The following CCND3 variants were observed in gnomAD, a reference collection of about 807,000 sequenced individuals.
CCND3 encodes G1/S-specific cyclin-D3.
Under a neutral mutation model 28.7 loss-of-function variants are expected in CCND3, and 9 were observed. The ratio of observed to expected loss-of-function variants is 0.31; its 90% CI spans 0.19 to 0.55. CCND3 has a LOEUF of 0.55. Ranked by LOEUF, CCND3 falls within the 20% of genes least tolerant of loss-of-function variation. The pLI, the probability that CCND3 is intolerant of heterozygous loss-of-function variation, is 0.93. For synonymous variants in CCND3, 164 were observed against 163.9 expected (o/e 1.00, Z 0.00); for missense variants, 315 against 385.8 (o/e 0.82, Z 1.54).
At chr6:41,954,726 A>T (rs1776399362) in intron 1 of CCND3, among the ~76,000 whole-genome samples, 3 of 151,890 alleles carry the variant, frequency 2.0e-5, no homozygotes, top group Non-Finnish European at 4.4e-5. Flanking sequence ...ATAATATCAA[A>T]CTTCTGAATT....
chr6:42,030,493 G>A (rs1304781774), intron 1 of CCND3, among the ~76,000 whole-genome samples: 2 of 152,112 alleles, frequency 1.3e-5, no homozygotes, highest in South Asian at 2.1e-4. Flanking sequence ...GGTACCTGCT[G>A]TCTGTCTCCC....
Position 41,935,185 on chromosome 6 carries a change from A to G in CCND3, c.*755T>C. 1 of 233,436 alleles carries G rather than the reference A, an allele frequency of 4.3e-6. No individual in the cohort carries two copies. The highest frequency in any genetic ancestry group is 8.5e-6 in the Non-Finnish European group (1 of 118,076). The allele number at this position is 233,436 out of a possible 1,614,324, so 14.5% of individuals were successfully genotyped here. On this transcript the variant is annotated 3_prime_UTR_variant, in exon 5 of 5. Coordinates refer to ENST00000372991, the MANE Select transcript of CCND3 (RefSeq NM_001760.5). ...AGGCTATAGCAGCTCCTTGGCCACAAAGATCCTTTTGCCAGTAGCAGAAGG... is the reference window on the plus strand; with the variant it reads ...AGGCTATAGCAGCTCCTTGGCCACAGAGATCCTTTTGCCAGTAGCAGAAGG...
intron 1 of CCND3, among the ~76,000 whole-genome samples, chr6:42,025,511 CAGA>C (rs1166788432): frequency 2.6e-5 from 4 of 152,174 alleles, no homozygotes; most frequent in African/African-American, 7.2e-5. Flanking sequence ...CCTCAGCTCA[CAGA>C]AGAAGTCACA....
chr6:41,951,591 G>A (rs1776319920), intron 1 of CCND3, among the ~76,000 whole-genome samples: 1 of 136,790 alleles, frequency 7.3e-6, no homozygotes. Context: ...AAAAGATTAA[G>A]TGGGAGTAAG....
chr6:42,006,252 G>A (rs949532843), intron 1 of CCND3, among the ~76,000 whole-genome samples: 1 of 151,616 alleles, frequency 6.6e-6, no homozygotes, highest in Non-Finnish European at 1.5e-5. Flanking sequence ...CTCAATAGAT[G>A]TAGAAAAAGC....
chr6:42,035,346 C>A (rs10948007), intron 1 of CCND3, among the ~76,000 whole-genome samples: 1 of 152,124 alleles, frequency 6.6e-6, no homozygotes, highest in African/African-American at 2.4e-5. Flanking sequence ...TTTCTACTGG[C>A]GTCACCCTAG....
intron 1 of CCND3, among the ~76,000 whole-genome samples, chr6:42,027,439 CAAAAAAA>C (rs5875782): frequency 1.6e-4 from 21 of 132,230 alleles, no homozygotes; most frequent in South Asian, 4.6e-4. Flanking sequence ...GGCTCCATCT[CAAAAAAA>C]AAAAAAAAAA....
chr6:41,951,367 A>G (rs149810322), intron 1 of CCND3, among the ~76,000 whole-genome samples: 2 of 151,672 alleles, frequency 1.3e-5, no homozygotes, highest in Non-Finnish European at 2.9e-5. Context: ...AACCTGGCCA[A>G]TATGGTGAAA....
intron 1 of CCND3, among the ~76,000 whole-genome samples, chr6:41,997,140 C>CTAA (rs1403782002): frequency 1.3e-5 from 2 of 152,212 alleles, no homozygotes; most frequent in Non-Finnish European, 2.9e-5. Context: ...GGCTGATGAT[C>CTAA]TAATACTCTC....
At chr6:41,983,728 T>C (rs1277537795) in intron 1 of CCND3, among the ~76,000 whole-genome samples, 1 of 152,014 alleles carries the variant, frequency 6.6e-6, no homozygotes, top group Non-Finnish European at 1.5e-5. Context: ...TGGTCCCAGC[T>C]AGGAAGCTGC....
At chr6:41,988,196 C>G (rs141481147) in intron 1 of CCND3, among the ~76,000 whole-genome samples, 45 of 152,018 alleles carry the variant, frequency 3.0e-4, no homozygotes, top group African/African-American at 9.9e-4. Context: ...ATCCCAGCTA[C>G]TCGGGAGGCT....
At chr6:42,019,223 C>T (rs1763624014) in intron 1 of CCND3, among the ~76,000 whole-genome samples, 1 of 152,154 alleles carries the variant, frequency 6.6e-6, no homozygotes, top group South Asian at 2.1e-4. Context: ...AGCGGTGGCT[C>T]CCACCTGTAA....
chr6:42,015,604 G>C (rs951319408), intron 1 of CCND3, among the ~76,000 whole-genome samples: 1 of 152,010 alleles, frequency 6.6e-6, no homozygotes, highest in Admixed American at 6.6e-5. Flanking sequence ...CAGCTATTCC[G>C]GAGGCTGAGG....
intron 2 of CCND3, 172 bp from the exon 3 acceptor site, chr6:41,937,566 G>A: frequency 1.5e-6 from 1 of 666,824 alleles, no homozygotes; most frequent in Non-Finnish European, 2.5e-6. Flanking sequence ...GCAGGGAAGA[G>A]GAGGAGGCAT....
At chr6:41,996,835 T>C (rs2127418900) in intron 1 of CCND3, among the ~76,000 whole-genome samples, 1 of 152,182 alleles carries the variant, frequency 6.6e-6, no homozygotes, top group East Asian at 1.9e-4. Flanking sequence ...CAGCTAATTT[T>C]TGTATTTTTA....
At position 42,048,489 on chromosome 6, in the gene CCND3, A is replaced by AC. The variant is rs1428842468; in HGVS notation, c.-46+11dup. ...TCCCATCTACCCCGGTTTCTCCAGC[A>AC]CCCAAGCCTACCTCCTCGTCAGGTG... On this transcript the variant is annotated intron_variant, in intron 1 of 4. Coordinates refer to the CCND3 transcript ENST00000372988. The surrounding 1 kb of genome is among the most constrained non-coding windows in gnomAD (Gnocchi z 4.7). 2.0e-6 allele frequency: 1 copy of AC among 507,944 alleles called. No homozygotes were observed. The highest frequency in any genetic ancestry group is 5.6e-5 in the East Asian group (1 of 17,768). The allele number at this position is 507,944 out of a possible 1,614,324, so 31.5% of individuals were successfully genotyped here.
chr6:41,977,556 G>A (rs562730656), intron 1 of CCND3, among the ~76,000 whole-genome samples: 5 of 152,110 alleles, frequency 3.3e-5, no homozygotes, highest in Admixed American at 6.5e-5. Context: ...TAGTAGAGAC[G>A]GGGTTTCACC....
chr6:42,017,856 AGC>A (rs1442915829), intron 1 of CCND3, among the ~76,000 whole-genome samples: 1 of 152,246 alleles, frequency 6.6e-6, no homozygotes, highest in Non-Finnish European at 1.5e-5. Flanking sequence ...TTTATATTTT[AGC>A]AACAAAATGT....
chr6:42,036,325 A>ATATAT (rs1764208924), intron 1 of CCND3, among the ~76,000 whole-genome samples: 9 of 119,920 alleles, frequency 7.5e-5, no homozygotes, highest in Admixed American at 3.4e-4. Context: ...TATATATATA[A>ATATAT]AATATATATA....
Sources: allele counts gnomAD v4.1 joint callset (sites outside exome capture counted in the v4.1 genomes callset), GRCh38; gene constraint gnomAD v4.1.1; non-coding constraint Gnocchi (gnomAD v3.1); transcripts MANE v1.5; gene names NCBI Gene and HGNC (gene_info 2026-07-23, HGNC 2026-07-21).